Variants in TRIM16 observed in about 807,000 individuals in gnomAD.
The protein encoded by TRIM16 is tripartite motif-containing protein 16.
A neutral mutation model predicts 50.4 loss-of-function variants in TRIM16; 33 were observed. The observed-to-expected ratio is 0.65, with a 90% CI of 0.50 to 0.88. TRIM16 has a LOEUF of 0.88. Ranked by LOEUF, TRIM16 falls within the 40% of genes least tolerant of loss-of-function variation. The pLI is 0.00. For missense variants in TRIM16, 581 were observed against 686.8 expected (o/e 0.85, Z 1.72); for synonymous variants, 229 against 270.7 (o/e 0.85, Z 1.51).
Position 15,651,837 on chromosome 17 carries a change from C to G in TRIM16, c.-228G>C. The stretch of plus-strand genomic sequence containing the variant: ...CTAGAGTACTCAGGCTCAGGACAGC[C>G]GGCTCAGGCTCAGGCTGCCTCCCCA... On this transcript the variant is annotated 5_prime_UTR_variant, in exon 7 of 12. Coordinates refer to ENST00000649191, the MANE Select transcript of TRIM16 (RefSeq NM_001348119.1). 1 of 1,429,548 alleles carries G rather than the reference C, an allele frequency of 7.0e-7. No homozygotes were observed. Among genetic ancestry groups the G allele is most frequent in the Non-Finnish European group, 9.1e-7 (1 of 1,096,546 alleles). The allele number at this position is 1,429,548 out of a possible 1,614,324, so 88.6% of individuals were successfully genotyped here. A position where few individuals can be genotyped will look rare whatever the true frequency, so the allele number is the denominator to read the frequency against.
intron 6 of TRIM16, among the ~76,000 whole-genome samples, chr17:15,659,297 C>T (rs1988113248): frequency 6.6e-6 from 1 of 152,168 alleles, no homozygotes. Context: ...TCTCTTTTGT[C>T]TTCCAGTGAG....
chr17:15,630,278 T>A (rs1986348680), intron 11 of TRIM16, among the ~76,000 whole-genome samples: 1 of 152,318 alleles, frequency 6.6e-6, no homozygotes, highest in East Asian at 1.9e-4. Flanking sequence ...TGAGAGTTCA[T>A]GTCCTCGAAG....
At chr17:15,683,930 G>C (rs1455161461) in intron 1 of TRIM16, 3 of 152,226 alleles carry the variant, frequency 2.0e-5, no homozygotes, top group Admixed American at 6.5e-5. Flanking sequence ...GCCTCACTTT[G>C]CAACCAAATG....
chr17:15,663,875 A>AT (rs1325191563), intron 6 of TRIM16, among the ~76,000 whole-genome samples: 6 of 152,220 alleles, frequency 3.9e-5, no homozygotes, highest in African/African-American at 1.4e-4. Context: ...TCATCAGCCC[A>AT]GGATGCAGTA....
At chr17:15,661,665 G>A (rs199935443) in intron 6 of TRIM16, among the ~76,000 whole-genome samples, 1 of 152,292 alleles carries the variant, frequency 6.6e-6, no homozygotes, top group East Asian at 1.9e-4. Flanking sequence ...GAAGCCCAGA[G>A]CAAGGATGCT....
At chr17:15,637,592 C>T (rs1296536192) in intron 8 of TRIM16, among the ~76,000 whole-genome samples, 45 of 123,740 alleles carry the variant, frequency 3.6e-4, no homozygotes, top group East Asian at 1.0e-3. Flanking sequence ...GCCCCCCGCC[C>T]GGCCAGCCGC....
chr17:15,673,516 G>A (rs1332430474), intron 6 of TRIM16, among the ~76,000 whole-genome samples: 5 of 152,050 alleles, frequency 3.3e-5, no homozygotes, highest in Non-Finnish European at 7.4e-5. Context: ...TCAGGTTCTG[G>A]CTAGTACACT....
At chr17:15,652,273 G>A (rs367660014) in intron 6 of TRIM16, among the ~76,000 whole-genome samples, 1 of 147,842 alleles carries the variant, frequency 6.8e-6, no homozygotes, top group African/African-American at 2.5e-5. Flanking sequence ...TCAGCCTCCC[G>A]AGTAGCTGGG....
chr17:15,632,009 G>A (rs1470465475), intron 10 of TRIM16: 1 of 409,798 alleles, frequency 2.4e-6, no homozygotes, highest in Non-Finnish European at 4.5e-6. Context: ...ATGACTAATT[G>A]TCCTTCTTTG....
chr17:15,674,992 C>A (rs1988867413), intron 6 of TRIM16, among the ~76,000 whole-genome samples: 1 of 151,914 alleles, frequency 6.6e-6, no homozygotes, highest in Admixed American at 6.6e-5. Flanking sequence ...GGACATGGCA[C>A]TATTTCCATC....
At position 15,663,947 on chromosome 17, in the gene TRIM16, G is replaced by A. The variant is rs140129961; in HGVS notation, c.-337-12001C>T. On this transcript the variant is annotated intron_variant, in intron 6 of 11. Coordinates refer to ENST00000649191, the MANE Select transcript of TRIM16 (RefSeq NM_001348119.1). Reference sequence around the variant, plus strand: ...GCACTGTGTTTGACTAAAACCACACGTGGTGTGTACAGGCCCCATGGTGAA... The same window carrying A: ...GCACTGTGTTTGACTAAAACCACACATGGTGTGTACAGGCCCCATGGTGAA... 7.3e-3 allele frequency among the ~76,000 whole-genome samples: 1,114 copies of A among 152,334 alleles called. 3 individuals are homozygous for A. Among genetic ancestry groups the A allele is most frequent in the South Asian group, 0.019 (92 of 4,816 alleles).
chr17:15,673,988 T>C (rs1009497086), intron 6 of TRIM16, among the ~76,000 whole-genome samples: 2 of 152,120 alleles, frequency 1.3e-5, no homozygotes, highest in African/African-American at 2.4e-5. Context: ...TGAGAACTGA[T>C]AGTTATAATT....
In TRIM16 at chr17:15,651,384, G is replaced by A. The variant is rs116554938; in HGVS notation, c.226C>T (p.Leu76=). The change falls in exon 7 of 12, where the codon CTG becomes TTG. Residue 76 remains leucine, a synonymous_variant. Coordinates refer to ENST00000649191, the MANE Select transcript of TRIM16 (RefSeq NM_001348119.1). ...GTGTCATCAAGGCAGAAGTCACACAGGACCTCTTTCCCCTCACCAGCAGGA... is the reference window on the plus strand; with the variant it reads ...GTGTCATCAAGGCAGAAGTCACACAAGACCTCTTTCCCCTCACCAGCAGGA... ...GDPAGEGKEV[L]CDFCLDDTRR... 1,509 of 1,614,184 alleles carry A rather than the reference G, an allele frequency of 9.3e-4. 10 individuals are homozygous for A. In the African/African-American group the frequency reaches 0.017, roughly 19 times the overall value.
At chr17:15,647,944 G>A (rs1218280893) in intron 7 of TRIM16, among the ~76,000 whole-genome samples, 3 of 152,162 alleles carry the variant, frequency 2.0e-5, no homozygotes, top group Admixed American at 1.3e-4. Flanking sequence ...AACCAAAGGG[G>A]GCCGGGCGTG....
At chr17:15,651,036 C>G in intron 7 of TRIM16, 55 bp downstream of exon 7, 8 of 1,558,004 alleles carry the variant, frequency 5.1e-6, no homozygotes, top group Non-Finnish European at 7.0e-6. Context: ...GCCAGCTGGG[C>G]ACACCATCCC....
intron 9 of TRIM16, among the ~76,000 whole-genome samples, chr17:15,635,413 A>C (rs1462696688): frequency 2.0e-5 from 3 of 148,764 alleles, no homozygotes; most frequent in Non-Finnish European, 4.5e-5. Flanking sequence ...ATTGTAATGA[A>C]AAGCATTTCC....
chr17:15,677,752 G>A, intron 4 of TRIM16, 31 bp from the exon 5 acceptor site: 1 of 986,720 alleles, frequency 1.0e-6, no homozygotes, highest in African/African-American at 1.7e-5. Context: ...GGCATACTTA[G>A]GGGAGACTGA....
intron 6 of TRIM16, chr17:15,675,463 C>T (rs1053480942): frequency 3.0e-5 from 5 of 168,524 alleles, no homozygotes; most frequent in African/African-American, 7.2e-5. Flanking sequence ...GAACTCATAC[C>T]GGAGAAAAAC....
At chr17:15,648,450 G>A (rs963922902) in intron 7 of TRIM16, among the ~76,000 whole-genome samples, 9 of 152,170 alleles carry the variant, frequency 5.9e-5, no homozygotes, top group African/African-American at 2.2e-4. Flanking sequence ...TTCAAAAAGG[G>A]TTCACTTGGT....
Sources: allele counts gnomAD v4.1 joint callset (sites outside exome capture counted in the v4.1 genomes callset), GRCh38; gene constraint gnomAD v4.1.1; transcripts MANE v1.5; gene names NCBI Gene and HGNC (gene_info 2026-07-23, HGNC 2026-07-21).